Variants in AGBL4 observed in about 807,000 individuals in gnomAD.
AGBL4 encodes the protein cytosolic carboxypeptidase 6.
A neutral mutation model predicts 66.4 loss-of-function variants in AGBL4; 58 were observed. That is an observed-to-expected ratio of 0.87 (90% CI 0.71 to 1.09). AGBL4 has a LOEUF of 1.09. Among genes scored for constraint, AGBL4 ranks in the 50% least tolerant of loss-of-function variants. The pLI is 0.00. For synonymous variants in AGBL4, 234 were observed against 222.9 expected (o/e 1.05, Z -0.44); for missense variants, 579 against 631.0 (o/e 0.92, Z 0.88).
chr1:49,983,026 T>C lies in AGBL4; in HGVS notation c.34+40737A>G, dbSNP rs375264673. On this transcript the variant is annotated intron_variant, in intron 1 of 13. Coordinates refer to ENST00000371839, the MANE Select transcript of AGBL4 (RefSeq NM_032785.4). ...TCCTCTGAGCTGTTCTATCTATCAA[T>C]AAAGCTCCTCTTTGCCTTGTTTACC... Among the ~76,000 whole-genome samples the C allele has an allele frequency of 1.4e-3, 210 of 152,350 alleles. 1 individual carries two copies. The highest frequency in any genetic ancestry group is 4.7e-3 in the African/African-American group (197 of 41,588).
chr1:49,352,821 C>T (rs1461033527), intron 3 of AGBL4, among the ~76,000 whole-genome samples: 3 of 152,158 alleles, frequency 2.0e-5, no homozygotes, highest in Non-Finnish European at 2.9e-5. Flanking sequence ...TAATAATTGT[C>T]CTTATTTTAC....
intron 1 of AGBL4, among the ~76,000 whole-genome samples, chr1:49,877,181 A>T (rs1461529410): frequency 1.3e-5 from 2 of 151,278 alleles, no homozygotes; most frequent in African/African-American, 2.5e-5. Context: ...CCTGGCCAGA[A>T]CTTCCAACAC....
chr1:49,952,087 T>C (rs1269300607), intron 1 of AGBL4, among the ~76,000 whole-genome samples: 6 of 151,832 alleles, frequency 4.0e-5, no homozygotes, highest in African/African-American at 9.7e-5. Context: ...ATAGTGATAA[T>C]GGTTGTACAA....
chr1:49,924,916 A>C (rs1652609754), intron 1 of AGBL4, among the ~76,000 whole-genome samples: 1 of 152,182 alleles, frequency 6.6e-6, no homozygotes, highest in Non-Finnish European at 1.5e-5. Flanking sequence ...CACTGAATAA[A>C]GTACTCTGGG....
chr1:48,816,840 A>C (rs1646190431), intron 6 of AGBL4, among the ~76,000 whole-genome samples: 1 of 152,222 alleles, frequency 6.6e-6, no homozygotes, highest in Non-Finnish European at 1.5e-5. Flanking sequence ...CAGTAGTATG[A>C]TACATGCTAC....
intron 1 of AGBL4, among the ~76,000 whole-genome samples, chr1:49,937,344 T>C (rs1654182719): frequency 6.6e-6 from 1 of 151,878 alleles, no homozygotes; most frequent in Admixed American, 6.6e-5. Context: ...ATAAAGCAAG[T>C]CCTTAGAGAC....
intron 2 of AGBL4, among the ~76,000 whole-genome samples, chr1:49,832,004 T>A (rs1474244515): frequency 1.3e-5 from 2 of 151,892 alleles, no homozygotes; most frequent in African/African-American, 4.8e-5. Flanking sequence ...TTTTATTTTA[T>A]TATTATTATA....
chr1:48,908,756 G>T (rs1490335562), intron 5 of AGBL4, among the ~76,000 whole-genome samples: 2 of 152,116 alleles, frequency 1.3e-5, no homozygotes, highest in African/African-American at 2.4e-5. Flanking sequence ...CATTACTCCA[G>T]AGCCTATGTT....
chr1:49,392,700 C>T (rs1457913969), intron 3 of AGBL4, among the ~76,000 whole-genome samples: 2 of 14,534 alleles, frequency 1.4e-4, no homozygotes, highest in African/African-American at 1.0e-3. Flanking sequence ...ACTGTGTATA[C>T]ACACACACAC....
intron 2 of AGBL4, among the ~76,000 whole-genome samples, chr1:49,829,326 A>G (rs2148009884): frequency 6.6e-6 from 1 of 152,334 alleles, no homozygotes; most frequent in African/African-American, 2.4e-5. Flanking sequence ...GAGGAAAACA[A>G]GATAGGTCAG....
intron 6 of AGBL4, among the ~76,000 whole-genome samples, chr1:48,698,022 A>G: frequency 6.6e-6 from 1 of 152,014 alleles, no homozygotes. Context: ...TCACGGAATG[A>G]CTCCTAAGGC....
chr1:49,729,535 C>A (rs960541640), intron 2 of AGBL4, among the ~76,000 whole-genome samples: 3 of 152,054 alleles, frequency 2.0e-5, no homozygotes, highest in African/African-American at 4.8e-5. Context: ...TTCAACTTTA[C>A]AATTGAGATT....
At chr1:49,678,795 T>A (rs1291182871) in intron 3 of AGBL4, among the ~76,000 whole-genome samples, 1 of 152,156 alleles carries the variant, frequency 6.6e-6, no homozygotes, top group Admixed American at 6.6e-5. Context: ...TGCTTTTAGT[T>A]CCATTCACTG....
intron 5 of AGBL4, among the ~76,000 whole-genome samples, chr1:48,905,988 TA>T (rs1408380281): frequency 1.3e-5 from 2 of 152,170 alleles, no homozygotes; most frequent in Non-Finnish European, 2.9e-5. Context: ...AGCTTACTTT[TA>T]AATGAAGGAA....
chr1:48,959,289 C>A (rs1372935231), intron 5 of AGBL4, among the ~76,000 whole-genome samples: 1 of 152,218 alleles, frequency 6.6e-6, no homozygotes, highest in South Asian at 2.1e-4. Context: ...ATGAGAAGTA[C>A]TTCACAAACT....
intron 8 of AGBL4, among the ~76,000 whole-genome samples, chr1:48,649,800 G>T (rs543617476): frequency 1.3e-5 from 2 of 152,194 alleles, no homozygotes; most frequent in Non-Finnish European, 2.9e-5. Context: ...GGAAGAGAAG[G>T]AGGAATAAAT....
intron 2 of AGBL4, among the ~76,000 whole-genome samples, chr1:49,753,467 G>A (rs947949769): frequency 3.3e-5 from 5 of 152,174 alleles, no homozygotes; most frequent in African/African-American, 7.2e-5. Flanking sequence ...CCCTTTGCGG[G>A]TAATCTGACC....
chr1:49,900,827 A>G (rs1367853434), intron 1 of AGBL4, among the ~76,000 whole-genome samples: 1 of 152,222 alleles, frequency 6.6e-6, no homozygotes, highest in Non-Finnish European at 1.5e-5. Context: ...AAAGGCTGAC[A>G]GCTTCTCTTT....
chr1:49,696,060 G>C (rs930381110), intron 3 of AGBL4, among the ~76,000 whole-genome samples: 1 of 152,000 alleles, frequency 6.6e-6, no homozygotes, highest in Non-Finnish European at 1.5e-5. Flanking sequence ...AAACTCCCTA[G>C]GAGAAGCTAA....
Sources: allele counts gnomAD v4.1 joint callset (sites outside exome capture counted in the v4.1 genomes callset), GRCh38; gene constraint gnomAD v4.1.1; transcripts MANE v1.5; gene names NCBI Gene and HGNC (gene_info 2026-07-23, HGNC 2026-07-21).